Variants in PALM2AKAP2 observed in about 807,000 individuals in gnomAD.
PALM2AKAP2 encodes PALM2-AKAP2 fusion protein.
PALM2AKAP2 carries 37 observed loss-of-function variants against 71.5 expected under a neutral mutation model. The ratio of observed to expected loss-of-function variants is 0.52; its 90% CI spans 0.40 to 0.68. The LOEUF (loss-of-function observed/expected upper bound fraction) is 0.68, where lower values mean the gene tolerates loss of function less well. PALM2AKAP2 is among the 30% of genes least tolerant of loss of function. The probability of loss-of-function intolerance (pLI) is 0.00; values close to 1 mark genes in which losing one functional copy is unlikely to be tolerated. For synonymous variants in PALM2AKAP2, 468 were observed against 478.8 expected, an observed-to-expected ratio of 0.98 and a Z score of 0.29; for missense variants, 1,224 against 1,191.8, an observed-to-expected ratio of 1.03 and a Z score of -0.40.
At chr9:109,736,281 A>G (rs1828634363) in intron 1 of PALM2AKAP2, among the ~76,000 whole-genome samples, 1 of 151,578 alleles carries the variant, frequency 6.6e-6, no homozygotes, top group South Asian at 2.1e-4. Context: ...AACACACACT[A>G]TAAAAGTTTT....
intron 1 of PALM2AKAP2, among the ~76,000 whole-genome samples, chr9:110,069,133 A>C (rs1478906327): frequency 6.6e-6 from 1 of 152,132 alleles, no homozygotes; most frequent in Non-Finnish European, 1.5e-5. Context: ...TAGGGAGGCC[A>C]CAATGAACCC....
intron 1 of PALM2AKAP2, among the ~76,000 whole-genome samples, chr9:109,842,618 C>G (rs775493413): frequency 2.3e-4 from 35 of 152,082 alleles, no homozygotes; most frequent in Admixed American, 3.9e-4. Flanking sequence ...TAACACTTCA[C>G]TGGGAAGAAG....
intron 1 of PALM2AKAP2, among the ~76,000 whole-genome samples, chr9:110,109,318 C>CAA (rs542467637): frequency 1.3e-3 from 100 of 79,540 alleles, no homozygotes; most frequent in East Asian, 3.7e-3. Context: ...TCTTTGTCTC[C>CAA]AAAAAAAAAA....
At chr9:109,840,389 G>T (rs962936748) in intron 1 of PALM2AKAP2, among the ~76,000 whole-genome samples, 2 of 152,166 alleles carry the variant, frequency 1.3e-5, no homozygotes, top group Non-Finnish European at 2.9e-5. Context: ...AGACGTAAAT[G>T]GTAGACCTAA....
chr9:110,114,474 T>A (rs1290685069), intron 1 of PALM2AKAP2, among the ~76,000 whole-genome samples: 2 of 152,172 alleles, frequency 1.3e-5, no homozygotes, highest in African/African-American at 4.8e-5. Flanking sequence ...GGGGCACTAT[T>A]TGACTCACTT....
At chr9:110,000,444 G>C (rs1832661931) in intron 6 of PALM2AKAP2, among the ~76,000 whole-genome samples, 1 of 152,064 alleles carries the variant, frequency 6.6e-6, no homozygotes, top group Non-Finnish European at 1.5e-5. Context: ...CCAAGTCTTT[G>C]CTATTGTGAA....
chr9:110,033,461 T>A (rs1042317711), intron 7 of PALM2AKAP2, among the ~76,000 whole-genome samples: 1 of 152,234 alleles, frequency 6.6e-6, no homozygotes, highest in African/African-American at 2.4e-5. Flanking sequence ...GGCTAGGCAC[T>A]GTGTTAAACA....
At chr9:109,806,449 G>A (rs1215284051) in intron 1 of PALM2AKAP2, among the ~76,000 whole-genome samples, 5 of 152,164 alleles carry the variant, frequency 3.3e-5, no homozygotes, top group East Asian at 1.9e-4. Context: ...CTGCCCTCAC[G>A]GAGCTTGCAT....
At chr9:109,773,587 A>G (rs1829305331) in intron 1 of PALM2AKAP2, among the ~76,000 whole-genome samples, 1 of 152,264 alleles carries the variant, frequency 6.6e-6, no homozygotes, top group South Asian at 2.1e-4. Flanking sequence ...ACTTATAAGA[A>G]TCTAATGGGA....
At position 109,958,145 on chromosome 9, in the gene PALM2AKAP2, G is replaced by GAA. The variant is rs78227165; in HGVS notation, c.496+26127_496+26128dup. Reference sequence around the variant, plus strand: ...AGAAATATATTTGAGGCAGTTGATTGAAAAAAAAAAACAGCAGAAAAAGAA... The same window carrying GAA: ...AGAAATATATTTGAGGCAGTTGATTGAAAAAAAAAAAAACAGCAGAAAAAGAA... On this transcript the variant is annotated intron_variant, in intron 6 of 9. Transcript: ENST00000302798. Among the ~76,000 whole-genome samples, 100 of 142,738 alleles carry GAA rather than the reference G, an allele frequency of 7.0e-4. No homozygotes were observed. In the East Asian group the frequency reaches 0.011, roughly 15 times the overall value. 93.6% of individuals were successfully genotyped at this position (142,738 alleles called of 152,430 possible). A position where few individuals can be genotyped will look rare whatever the true frequency, so the allele number is the denominator to read the frequency against.
chr9:109,840,447 A>G (rs967137525), intron 1 of PALM2AKAP2, among the ~76,000 whole-genome samples: 4 of 152,258 alleles, frequency 2.6e-5, no homozygotes, highest in Admixed American at 1.3e-4. Flanking sequence ...CATTCAGCAC[A>G]TAGGCATGGG....
At chr9:110,034,895 GC>G (rs2132428052) in intron 7 of PALM2AKAP2, among the ~76,000 whole-genome samples, 1 of 151,924 alleles carries the variant, frequency 6.6e-6, no homozygotes, top group South Asian at 2.1e-4. Flanking sequence ...GAGCCACCAC[GC>G]CCGGCTGCCA....
intron 1 of PALM2AKAP2, among the ~76,000 whole-genome samples, chr9:109,731,431 A>G (rs1374916650): frequency 1.3e-5 from 2 of 152,222 alleles, no homozygotes; most frequent in Admixed American, 6.5e-5. Context: ...AACTGAAGAA[A>G]AAAACTAGTC....
chr9:109,701,706 A>C (rs1820401523), intron 1 of PALM2AKAP2, among the ~76,000 whole-genome samples: 1 of 152,190 alleles, frequency 6.6e-6, no homozygotes, highest in Non-Finnish European at 1.5e-5. Flanking sequence ...TGTCTAAAAC[A>C]CCAAAAGCAA....
intron 2 of PALM2AKAP2, among the ~76,000 whole-genome samples, chr9:110,153,520 G>A (rs1046115389): frequency 4.6e-5 from 7 of 152,198 alleles, no homozygotes; most frequent in Admixed American, 4.6e-4. Context: ...TTTGGTGAAG[G>A]CATTTAAGCC....
chr9:110,039,470 G>A (rs1833475269), intron 7 of PALM2AKAP2, among the ~76,000 whole-genome samples: 1 of 152,134 alleles, frequency 6.6e-6, no homozygotes, highest in African/African-American at 2.4e-5. Flanking sequence ...TGGCGAGGCT[G>A]AGCGATTTTC....
At chr9:110,014,752 G>A (rs1350437870) in intron 6 of PALM2AKAP2, among the ~76,000 whole-genome samples, 10 of 128,578 alleles carry the variant, frequency 7.8e-5, no homozygotes, top group Admixed American at 2.7e-4. Flanking sequence ...CAGCCTGGGC[G>A]ACAGAGCGAG....
chr9:109,763,520 A>G (rs1240944895), intron 1 of PALM2AKAP2, among the ~76,000 whole-genome samples: 1 of 152,210 alleles, frequency 6.6e-6, no homozygotes, highest in African/African-American at 2.4e-5. Context: ...ACACCTGTGA[A>G]GCATTCACAG....
chr9:110,136,247 G>A (rs753664212), exon 2 of PALM2AKAP2: 2 of 1,614,068 alleles, frequency 1.2e-6, no homozygotes, highest in African/African-American at 2.7e-5. Context: ...CATGGAAATT[G>A]AGGTGTCTGT....
Sources: gnomAD v4.1 joint callset for allele counts (sites outside exome capture counted in the v4.1 genomes callset) on GRCh38, gnomAD v4.1.1 for gene constraint, MANE v1.5 for transcripts, NCBI Gene and HGNC (gene_info 2026-07-23, HGNC 2026-07-21) for gene names.